CFAP57: variants seen among roughly 807,000 people sequenced by gnomAD.
CFAP57 encodes cilia and flagella associated protein 57.
Under a neutral mutation model 146.8 loss-of-function variants are expected in CFAP57, and 116 were observed. That is an observed-to-expected ratio of 0.79 (90% confidence interval 0.68 to 0.92). The LOEUF (loss-of-function observed/expected upper bound fraction) is 0.92. Among genes scored for constraint, CFAP57 ranks in the 40% least tolerant of loss-of-function variants. CFAP57 has a pLI of 0.00. For missense variants in CFAP57, 1,377 were observed against 1,527.2 expected (o/e 0.90, Z 1.64); for synonymous variants, 518 against 552.8 (o/e 0.94, Z 0.88).
At chr1:43,242,855 A>G (rs1645977118) in intron 21 of CFAP57, among the ~76,000 whole-genome samples, 1 of 151,662 alleles carries the variant, frequency 6.6e-6, no homozygotes, top group African/African-American at 2.4e-5. Flanking sequence ...TAATAGCCAT[A>G]TAATTATATA....
Position 43,221,368 on chromosome 1 carries a change from T to C in CFAP57, c.2248-4T>C. The C allele has an allele frequency of 2.6e-6, 4 of 1,540,042 alleles. No individual in the cohort carries two copies. Among genetic ancestry groups the C allele is most frequent in the Non-Finnish European group, 3.5e-6 (4 of 1,141,054 alleles). ...GTAAATGAGGAAATGTGACTCTGTT[T>C]TAGGTCTTAAGAACAGAAAAAGAGA... On this transcript the variant is annotated splice_region_variant and splice_polypyrimidine_tract_variant and intron_variant, in intron 13 of 22. Transcript: ENST00000372492.
chr1:43,207,448 C>T (rs1273296087), intron 10 of CFAP57, among the ~76,000 whole-genome samples: 1 of 152,240 alleles, frequency 6.6e-6, no homozygotes, highest in African/African-American at 2.4e-5. Context: ...AGCATAGTCA[C>T]ATGCTGTTCA....
chr1:43,205,526 C>A (rs1391547129), intron 9 of CFAP57, among the ~76,000 whole-genome samples: 1 of 152,174 alleles, frequency 6.6e-6, no homozygotes, highest in Non-Finnish European at 1.5e-5. Context: ...AGCCCCTGGT[C>A]TTTTTGGCTT....
At position 43,186,794 on chromosome 1, in the gene CFAP57, C is replaced by A. The variant is rs759769196; in HGVS notation, c.1057C>A (p.Leu353Met). 6.2e-7 allele frequency: 1 copy of A among 1,614,152 alleles called. No homozygotes were observed. The highest frequency in any genetic ancestry group is 2.2e-5 in the East Asian group (1 of 44,872). Residue 353 changes from leucine (L) to methionine (M), a missense_variant, in exon 6 of 23, where the codon CTG becomes ATG. Physicochemically the swap from Leu to Met is conservative, Grantham distance 15. Transcript: ENST00000372492. ...GTGCTTCAGCCCCTCAGAGGAAACT[C>A]TGGTTGCCAGCACCAGTAAGAACCA... ...CLCFSPSEET[L>M]VASTSKNQLY... is the part of the protein sequence containing the mutation.
At position 43,172,926 on chromosome 1, in the gene CFAP57, T is replaced by C; in HGVS notation, c.157+16T>C. On this transcript the variant is annotated intron_variant, in intron 2 of 22. Transcript: ENST00000372492. ...TTCATTCCAGGTAAAACTTTTTCCA[T>C]CCTGACATATACAGGAATGGTATGT... 1 of 1,610,178 alleles carries C rather than the reference T, an allele frequency of 6.2e-7. No homozygotes were observed. Among genetic ancestry groups the C allele is most frequent in the Non-Finnish European group, 8.5e-7 (1 of 1,176,636 alleles).
At chr1:43,249,084 C>A (rs1192203218) in intron 22 of CFAP57, among the ~76,000 whole-genome samples, 1 of 138,630 alleles carries the variant, frequency 7.2e-6, no homozygotes, top group Non-Finnish European at 1.5e-5. Flanking sequence ...TTAGTAGAGA[C>A]GAGGTTTCAC....
intron 21 of CFAP57, among the ~76,000 whole-genome samples, chr1:43,236,689 C>T (rs1181791144): frequency 6.8e-6 from 1 of 147,530 alleles, no homozygotes; most frequent in East Asian, 2.1e-4. Context: ...GCGGGTGGAT[C>T]GTGAGGTCAG....
At chr1:43,200,843 T>G (rs1644090214) in intron 9 of CFAP57, among the ~76,000 whole-genome samples, 1 of 152,080 alleles carries the variant, frequency 6.6e-6, no homozygotes, top group African/African-American at 2.4e-5. Flanking sequence ...AGTCTCTAGG[T>G]GACGAGAAAC....
At chr1:43,248,538 T>C (rs977836230) in intron 22 of CFAP57, among the ~76,000 whole-genome samples, 20 of 151,768 alleles carry the variant, frequency 1.3e-4, no homozygotes, top group African/African-American at 4.8e-4. Flanking sequence ...TCCAGGATGG[T>C]CTTGATCTCC....
intron 18 of CFAP57, chr1:43,232,054 T>C: frequency 1.4e-6 from 1 of 700,666 alleles, no homozygotes. Context: ...CCCTCCAAAC[T>C]TTCTGCTTTA....
At chr1:43,176,015 C>T (rs1489531309) in intron 2 of CFAP57, among the ~76,000 whole-genome samples, 7 of 152,078 alleles carry the variant, frequency 4.6e-5, no homozygotes, top group African/African-American at 1.7e-4. Flanking sequence ...TACTGTATCA[C>T]TTCTCTTCTG....
rs1212134511 is a variant in CFAP57, at chr1:43,181,828, C to T, written c.452C>T (p.Thr151Ile). The T allele has an allele frequency of 6.2e-7, 1 of 1,614,214 alleles. No homozygotes were observed. The highest frequency in any genetic ancestry group is 1.7e-5 in the Admixed American group (1 of 60,022). The change falls in exon 3 of 23, where the codon ACT (threonine) becomes ATT (isoleucine). Residue 151 changes from threonine (T) to isoleucine (I), a missense_variant. By Grantham distance (89) the Thr-to-Ile change is moderately conservative. Transcript: ENST00000372492. ...GTAATGGCCATTGTTAGAATCGACA[C>T]TCAGAACAACCCTGTCTACCAGGTA... ...QKVMAIVRIDTQNNPVYQVSF... is the reference protein window; with the variant it reads ...QKVMAIVRIDIQNNPVYQVSF...
intron 9 of CFAP57, among the ~76,000 whole-genome samples, chr1:43,203,878 T>C (rs910396598): frequency 2.8e-4 from 42 of 152,242 alleles, no homozygotes; most frequent in Non-Finnish European, 5.9e-5. Flanking sequence ...TGTAGGTTAA[T>C]GTTTTTCAAC....
chr1:43,175,114 T>A (rs1645118432), intron 2 of CFAP57, among the ~76,000 whole-genome samples: 1 of 152,210 alleles, frequency 6.6e-6, no homozygotes, highest in Non-Finnish European at 1.5e-5. Context: ...ATTGTGTTTT[T>A]TTGGCTTCTC....
intron 21 of CFAP57, among the ~76,000 whole-genome samples, chr1:43,242,590 G>C (rs912575209): frequency 1.3e-5 from 2 of 152,208 alleles, no homozygotes; most frequent in African/African-American, 4.8e-5. Flanking sequence ...GCTAAGGGCA[G>C]ACCATATCCT....
intron 17 of CFAP57, among the ~76,000 whole-genome samples, chr1:43,226,650 C>T (rs1382538111): frequency 6.6e-6 from 1 of 152,236 alleles, no homozygotes; most frequent in Non-Finnish European, 1.5e-5. Flanking sequence ...TCGCTTCCAC[C>T]TCCTGATGGA....
At position 43,186,741 on chromosome 1, in the gene CFAP57, A is replaced by G; in HGVS notation, c.1004A>G (p.Gln335Arg). The G allele has an allele frequency of 3.7e-6, 6 of 1,614,136 alleles. No individual in the cohort carries two copies. Among genetic ancestry groups the G allele is most frequent in the Non-Finnish European group, 5.1e-6 (6 of 1,180,038 alleles). ...PVDPQSNDPS[Q>R]SDKQDVLCLC... ...GACCCGCAGAGCAATGATCCAAGTC[A>G]GTCTGACAAACAGGACGTTCTCTGC... Residue 335 changes from glutamine to arginine, a missense_variant, in exon 6 of 23, where the codon CAG becomes CGG. Transcript: ENST00000372492.
intron 3 of CFAP57, 21 bp downstream of exon 3, chr1:43,181,871 T>G: frequency 6.2e-7 from 1 of 1,612,300 alleles, no homozygotes; most frequent in Admixed American, 1.7e-5. Flanking sequence ...GTGTGACAAG[T>G]ATCGTGAAAA....
chr1:43,201,710 G>C lies in CFAP57; in HGVS notation c.1542+2207G>C, dbSNP rs936142431. Among the ~76,000 whole-genome samples, 6 of 152,138 alleles carry C rather than the reference G, an allele frequency of 3.9e-5. No homozygotes were observed. Among genetic ancestry groups the C allele is most frequent in the African/African-American group, 1.4e-4 (6 of 41,414 alleles). ...AGCTCACCGCAACCTCCGCCTCCCAGGTTCAAGCGATTCTCCTGCCTCAGC... is the reference window on the plus strand; with the variant it reads ...AGCTCACCGCAACCTCCGCCTCCCACGTTCAAGCGATTCTCCTGCCTCAGC... On this transcript the variant is annotated intron_variant, in intron 9 of 22. Coordinates refer to ENST00000372492, the MANE Select transcript of CFAP57 (RefSeq NM_001378189.1). This position sits in a 1 kb window ranked among gnomAD's most constrained non-coding sequence, Gnocchi z 4.4.
Sources: allele counts gnomAD v4.1 joint callset (sites outside exome capture counted in the v4.1 genomes callset), GRCh38; gene constraint gnomAD v4.1.1; non-coding constraint Gnocchi (gnomAD v3.1); transcripts MANE v1.5; gene names NCBI Gene and HGNC (gene_info 2026-07-23, HGNC 2026-07-21).